AFAP1L2: variants seen among roughly 807,000 people sequenced by gnomAD.
The protein encoded by AFAP1L2 is actin filament-associated protein 1-like 2.
A neutral mutation model predicts 99.3 loss-of-function variants in AFAP1L2; 46 were observed. That is an observed-to-expected ratio of 0.46 (90% CI 0.37 to 0.59). The LOEUF is 0.59. AFAP1L2 is among the 20% of genes least tolerant of loss of function. The pLI, the probability that AFAP1L2 is intolerant of heterozygous loss-of-function variation, is 0.00. For synonymous variants in AFAP1L2, 397 were observed against 419.1 expected, an observed-to-expected ratio of 0.95 and a Z score of 0.64; for missense variants, 959 against 1,034.9, an observed-to-expected ratio of 0.93 and a Z score of 1.01.
intron 1 of AFAP1L2, among the ~76,000 whole-genome samples, chr10:114,361,837 G>A (rs561274065): frequency 6.6e-6 from 1 of 152,222 alleles, no homozygotes; most frequent in South Asian, 2.1e-4. Flanking sequence ...CTCAGTATAG[G>A]TTATCCTGCT....
intron 1 of AFAP1L2, among the ~76,000 whole-genome samples, chr10:114,373,518 G>A (rs1486023102): frequency 6.6e-6 from 1 of 151,974 alleles, no homozygotes; most frequent in African/African-American, 2.4e-5. Flanking sequence ...CCAGCTACTT[G>A]GGAACCTGAG....
At position 114,296,013 on chromosome 10, in the gene AFAP1L2, C is replaced by T; in HGVS notation, c.*29G>A. The T allele has an allele frequency of 6.2e-7, 1 of 1,614,154 alleles. No individual in the cohort carries two copies. The highest frequency in any genetic ancestry group is 8.5e-7 in the Non-Finnish European group (1 of 1,179,998). On this transcript the variant is annotated 3_prime_UTR_variant, in exon 19 of 19. Coordinates refer to ENST00000304129, the MANE Select transcript of AFAP1L2 (RefSeq NM_001001936.3). Reference sequence around the variant, plus strand: ...GGATTGTCACCAAGGTCCACATTGACATGAGAGTCTTTAGATGAAGCTTGT... The same window carrying T: ...GGATTGTCACCAAGGTCCACATTGATATGAGAGTCTTTAGATGAAGCTTGT...
chr10:114,362,161 G>C (rs2052525979), intron 1 of AFAP1L2, among the ~76,000 whole-genome samples: 1 of 152,212 alleles, frequency 6.6e-6, no homozygotes, highest in South Asian at 2.1e-4. Context: ...CTCAAGGTTG[G>C]TATGGGAATT....
chr10:114,302,440 G>A lies in AFAP1L2; in HGVS notation c.1329C>T (p.Leu443=), dbSNP rs1187328471. ...GGTCTGTCTTGGAGCCTGACTCAGA[G>A]AGCAGGAGACCCAGCCAGTGGCCCA... ...EEMGHWLGLL[L]SESGSKTDPE... Residue 443 remains leucine (L), a synonymous_variant, in exon 12 of 19, where the codon CTC becomes CTT. Coordinates refer to ENST00000304129, the MANE Select transcript of AFAP1L2 (RefSeq NM_001001936.3). The A allele has an allele frequency of 3.1e-6, 5 of 1,614,046 alleles. No individual in the cohort carries two copies. Among genetic ancestry groups the A allele is most frequent in the Non-Finnish European group, 4.2e-6 (5 of 1,180,038 alleles).
chr10:114,302,317 A>G (rs374796339), intron 12 of AFAP1L2, 22 bp downstream of exon 12: 24 of 1,613,950 alleles, frequency 1.5e-5, no homozygotes, highest in Non-Finnish European at 2.5e-6. Context: ...GAGTGTACGG[A>G]GGAAGGGTCC....
At position 114,303,072 on chromosome 10, in the gene AFAP1L2, G is replaced by C. The variant is rs2041509846; in HGVS notation, c.1285-588C>G. Among the ~76,000 whole-genome samples, 2 of 152,086 alleles carry C rather than the reference G, an allele frequency of 1.3e-5. 1 individual carries two copies. The highest frequency in any genetic ancestry group is 4.1e-4 in the South Asian group (2 of 4,822). Reference sequence around the variant, plus strand: ...GAATTTGGTATTTTTTTTTCCAGGGGACAATGCATTCTAATCAAATGCATC... The same window carrying C: ...GAATTTGGTATTTTTTTTTCCAGGGCACAATGCATTCTAATCAAATGCATC... On this transcript the variant is annotated intron_variant, in intron 11 of 18. Coordinates refer to ENST00000304129, the MANE Select transcript of AFAP1L2 (RefSeq NM_001001936.3).
chr10:114,315,520 G>T lies in AFAP1L2; in HGVS notation c.612+40C>A, dbSNP rs201063052. 4.0e-3 allele frequency: 6,121 copies of T among 1,540,926 alleles called. 18 individuals carry two copies. Among genetic ancestry groups the T allele is most frequent in the Non-Finnish European group, 4.3e-3 (4,826 of 1,118,652 alleles). On this transcript the variant is annotated intron_variant, in intron 6 of 18. Coordinates refer to ENST00000304129, the MANE Select transcript of AFAP1L2 (RefSeq NM_001001936.3). ...TCCCTGTCCCTGCCCCTTCCCCAAG[G>T]AGAGGAGTCGGGGGACAAGACGACG...
chr10:114,357,524 C>T (rs1416837430), intron 1 of AFAP1L2, among the ~76,000 whole-genome samples: 1 of 152,168 alleles, frequency 6.6e-6, no homozygotes, highest in Non-Finnish European at 1.5e-5. Flanking sequence ...GTAGTGACTG[C>T]ATAGCCAATA....
chr10:114,351,333 C>T (rs963330709), intron 1 of AFAP1L2, among the ~76,000 whole-genome samples: 1 of 152,116 alleles, frequency 6.6e-6, no homozygotes, highest in African/African-American at 2.4e-5. Flanking sequence ...CTAAGGTTGT[C>T]CCTGTTTACT....
chr10:114,337,732 A>C (rs2135801228), intron 2 of AFAP1L2, among the ~76,000 whole-genome samples: 1 of 152,370 alleles, frequency 6.6e-6, no homozygotes, highest in Admixed American at 6.5e-5. Context: ...GTTAGCACCA[A>C]GATCCACGGG....
At chr10:114,322,337 T>C (rs1412211274) in intron 5 of AFAP1L2, among the ~76,000 whole-genome samples, 1 of 152,212 alleles carries the variant, frequency 6.6e-6, no homozygotes, top group Non-Finnish European at 1.5e-5. Flanking sequence ...GCCAAAGTCA[T>C]TCCTGTGGCT....
At chr10:114,288,676 G>A in the AFAP1L2 span, among the ~76,000 whole-genome samples, 3 of 152,218 alleles carry the variant, frequency 2.0e-5, no homozygotes, top group South Asian at 2.1e-4. Context: ...AATTGATCAC[G>A]TCCGTCAGAT....
intron 1 of AFAP1L2, among the ~76,000 whole-genome samples, chr10:114,369,594 CAA>C (rs34904418): frequency 0.015 from 1,152 of 74,574 alleles, 1 homozygote; most frequent in African/African-American, 0.032. Flanking sequence ...GACTCCGACT[CAA>C]AAAAAAAAAA....
chr10:114,323,288 G>T, intron 4 of AFAP1L2, 27 bp from the exon 5 acceptor site: 1 of 1,560,562 alleles, frequency 6.4e-7, no homozygotes, highest in South Asian at 1.2e-5. Flanking sequence ...TAAGACAAAC[G>T]TTTGCAGATA....
chr10:114,404,204 C>G (rs369469143), intron 1 of AFAP1L2, among the ~76,000 whole-genome samples: 1 of 152,170 alleles, frequency 6.6e-6, no homozygotes, highest in East Asian at 1.9e-4. Context: ...CCACTGACGA[C>G]CCCCTCCTTC....
intron 4 of AFAP1L2, among the ~76,000 whole-genome samples, chr10:114,330,162 C>T (rs1442868533): frequency 6.6e-6 from 1 of 152,158 alleles, no homozygotes; most frequent in Non-Finnish European, 1.5e-5. Flanking sequence ...ACTGCCCACC[C>T]ACCCCACATG....
chr10:114,294,957 T>TGATACACAACCCTCCAGAAA lies in AFAP1L2; in HGVS notation c.*1065_*1084dup. ...TTCTCAGGAACAAGTGTTAGAGAACTGATACACAACCCTCCAGAAATGAGG... is the reference window on the plus strand; with the variant it reads ...TTCTCAGGAACAAGTGTTAGAGAACTGATACACAACCCTCCAGAAAGATACACAACCCTCCAGAAATGAGG... On this transcript the variant is annotated 3_prime_UTR_variant, in exon 19 of 19. Coordinates refer to ENST00000304129, the MANE Select transcript of AFAP1L2 (RefSeq NM_001001936.3). The TGATACACAACCCTCCAGAAA allele has an allele frequency of 1.0e-6, 1 of 981,028 alleles. No individual in the cohort carries two copies. The highest frequency in any genetic ancestry group is 4.7e-5 in the South Asian group (1 of 21,196). 60.8% of individuals were successfully genotyped at this position (981,028 alleles called of 1,614,324 possible). A position where few individuals can be genotyped will look rare whatever the true frequency, so the allele number is the denominator to read the frequency against.
At chr10:114,400,018 G>A (rs2058088106) in intron 1 of AFAP1L2, among the ~76,000 whole-genome samples, 1 of 152,206 alleles carries the variant, frequency 6.6e-6, no homozygotes, top group Non-Finnish European at 1.5e-5. Flanking sequence ...GAAGCCTGTG[G>A]GTCTCCAGGT....
intron 11 of AFAP1L2, among the ~76,000 whole-genome samples, chr10:114,303,844 G>A (rs921628007): frequency 3.3e-5 from 5 of 152,008 alleles, no homozygotes; most frequent in African/African-American, 9.7e-5. Flanking sequence ...TGTCCCTCCC[G>A]CTCCAGCCTG....
Sources: allele counts gnomAD v4.1 joint callset (sites outside exome capture counted in the v4.1 genomes callset), GRCh38; gene constraint gnomAD v4.1.1; transcripts MANE v1.5; gene names NCBI Gene and HGNC (gene_info 2026-07-23, HGNC 2026-07-21).